Variants in TMEM163 observed in about 807,000 individuals in gnomAD.
TMEM163 encodes the protein transmembrane protein 163.
Under a neutral mutation model 29.3 loss-of-function variants are expected in TMEM163, and 17 were observed. That is an observed-to-expected ratio of 0.58 (90% CI 0.40 to 0.87). The LOEUF is 0.87. Ranked by LOEUF, TMEM163 falls within the 40% of genes least tolerant of loss-of-function variation. The probability of loss-of-function intolerance (pLI) is 0.00; values close to 1 mark genes in which losing one functional copy is unlikely to be tolerated. For missense variants in TMEM163, 303 were observed against 381.5 expected (o/e 0.79, Z 1.71); for synonymous variants, 157 against 160.6 (o/e 0.98, Z 0.17).
At chr2:134,533,009 A>G (rs1680448041) in intron 4 of TMEM163, among the ~76,000 whole-genome samples, 1 of 152,204 alleles carries the variant, frequency 6.6e-6, no homozygotes, top group South Asian at 2.1e-4. Flanking sequence ...CACACTATGG[A>G]CGTTTAAACT....
intron 4 of TMEM163, among the ~76,000 whole-genome samples, chr2:134,509,261 A>T (rs1679894125): frequency 6.6e-6 from 1 of 152,206 alleles, no homozygotes; most frequent in Non-Finnish European, 1.5e-5. Context: ...TAAAAACCAA[A>T]TGGCCACATG....
intron 5 of TMEM163, among the ~76,000 whole-genome samples, chr2:134,494,807 T>C (rs1437456208): frequency 1.3e-5 from 2 of 152,218 alleles, no homozygotes; most frequent in Non-Finnish European, 2.9e-5. Flanking sequence ...GGCTGTCTCC[T>C]GGGCATCCTT....
intron 2 of TMEM163, among the ~76,000 whole-genome samples, chr2:134,636,029 T>C (rs906231262): frequency 2.6e-5 from 4 of 152,200 alleles, no homozygotes; most frequent in African/African-American, 9.6e-5. Flanking sequence ...CATGCATCTC[T>C]GCTACCCTCA....
intron 2 of TMEM163, among the ~76,000 whole-genome samples, chr2:134,658,353 CT>C (rs1683668604): frequency 6.6e-6 from 1 of 152,146 alleles, no homozygotes; most frequent in Non-Finnish European, 1.5e-5. Flanking sequence ...CATGAAAGGC[CT>C]TTGTGAGGTT....
chr2:134,601,301 G>A (rs1289004522), intron 2 of TMEM163, among the ~76,000 whole-genome samples: 3 of 152,098 alleles, frequency 2.0e-5, no homozygotes, highest in African/African-American at 7.2e-5. Flanking sequence ...AGTCAGCCAC[G>A]GTCACCTAAA....
At chr2:134,473,885 C>T (rs1260280074) in intron 5 of TMEM163, among the ~76,000 whole-genome samples, 2 of 152,100 alleles carry the variant, frequency 1.3e-5, no homozygotes, top group African/African-American at 4.8e-5. Context: ...ATCCTTCTCA[C>T]AAAACTTCAG....
intron 2 of TMEM163, among the ~76,000 whole-genome samples, chr2:134,630,360 G>GAA (rs34324088): frequency 1.6e-3 from 238 of 148,812 alleles, no homozygotes; most frequent in East Asian, 5.1e-3. Context: ...TTTCCAAAAA[G>GAA]AAAAAAAAAA....
intron 2 of TMEM163, among the ~76,000 whole-genome samples, chr2:134,600,596 G>A (rs1198773207): frequency 1.3e-5 from 2 of 152,190 alleles, no homozygotes; most frequent in Non-Finnish European, 2.9e-5. Flanking sequence ...AATCCCCAGT[G>A]TGGCAGAATT....
At chr2:134,564,351 G>A (rs1681245928) in intron 2 of TMEM163, among the ~76,000 whole-genome samples, 1 of 152,158 alleles carries the variant, frequency 6.6e-6, no homozygotes, top group Non-Finnish European at 1.5e-5. Flanking sequence ...ACTGAATTAT[G>A]ACCCTACCTT....
chr2:134,595,014 C>G (rs1384035380), intron 2 of TMEM163, among the ~76,000 whole-genome samples: 1 of 151,938 alleles, frequency 6.6e-6, no homozygotes, highest in Admixed American at 6.6e-5. Flanking sequence ...TATTTCCAGG[C>G]AGCTTGGTGC....
chr2:134,656,247 A>G (rs1449224632), intron 2 of TMEM163, among the ~76,000 whole-genome samples: 32 of 147,464 alleles, frequency 2.2e-4, no homozygotes, highest in South Asian at 6.6e-4. Flanking sequence ...ATATAATCTC[A>G]TGGTTCGCCG....
intron 2 of TMEM163, among the ~76,000 whole-genome samples, chr2:134,687,654 T>G (rs1684377515): frequency 6.6e-6 from 1 of 152,148 alleles, no homozygotes; most frequent in Admixed American, 6.5e-5. Flanking sequence ...CTCAGTAAAG[T>G]TATTCCAAGT....
At chr2:134,516,496 G>C (rs147159606) in intron 4 of TMEM163, among the ~76,000 whole-genome samples, 6 of 151,782 alleles carry the variant, frequency 4.0e-5, no homozygotes, top group African/African-American at 1.2e-4. Flanking sequence ...AGGAGGCAGA[G>C]GTTGTAATGA....
At position 134,659,310 on chromosome 2, in the gene TMEM163, C is replaced by T. The variant is rs1051058368; in HGVS notation, c.322+53890G>A. On this transcript the variant is annotated intron_variant, in intron 2 of 7. Transcript: ENST00000281924. ...AGTGGACCCAAACATCATTATGCAGCACACAACTGTACTTCAAAAAGAATT... is the reference window on the plus strand; with the variant it reads ...AGTGGACCCAAACATCATTATGCAGTACACAACTGTACTTCAAAAAGAATT... Among the ~76,000 whole-genome samples, 5 of 152,320 alleles carry T rather than the reference C, an allele frequency of 3.3e-5. No individual in the cohort carries two copies. In the East Asian group the frequency reaches 9.6e-4, roughly 29 times the overall value.
intron 2 of TMEM163, among the ~76,000 whole-genome samples, chr2:134,561,430 G>A (rs932802615): frequency 1.3e-5 from 2 of 148,456 alleles, no homozygotes; most frequent in Non-Finnish European, 3.0e-5. Context: ...GAATGGTCTC[G>A]ATCTACTGAC....
intron 2 of TMEM163, among the ~76,000 whole-genome samples, chr2:134,556,649 A>C (rs1231813818): frequency 2.0e-5 from 3 of 152,068 alleles, no homozygotes; most frequent in Admixed American, 6.6e-5. Context: ...GTGAGACCTC[A>C]TCTCTACAAA....
intron 5 of TMEM163, among the ~76,000 whole-genome samples, chr2:134,473,535 CAAA>C (rs59806390): frequency 3.9e-5 from 4 of 103,882 alleles, no homozygotes; most frequent in Admixed American, 1.0e-4. Context: ...AACTCTGTCT[CAAA>C]AAAAAAAAAA....
At chr2:134,491,789 G>C (rs1679434354) in intron 5 of TMEM163, among the ~76,000 whole-genome samples, 1 of 152,174 alleles carries the variant, frequency 6.6e-6, no homozygotes, top group African/African-American at 2.4e-5. Context: ...AGACAAAATA[G>C]AGTAACATGG....
chr2:134,633,318 G>A (rs1400973057), intron 2 of TMEM163, among the ~76,000 whole-genome samples: 3 of 152,158 alleles, frequency 2.0e-5, no homozygotes, highest in Admixed American at 6.5e-5. Flanking sequence ...AAATACATGA[G>A]ATGACAGAGA....
Sources: allele counts gnomAD v4.1 joint callset (sites outside exome capture counted in the v4.1 genomes callset), GRCh38; gene constraint gnomAD v4.1.1; transcripts MANE v1.5; gene names NCBI Gene and HGNC (gene_info 2026-07-23, HGNC 2026-07-21).